EXD2: variants seen among roughly 807,000 people sequenced by gnomAD.
EXD2 encodes exonuclease 3'-5' domain-containing protein 2.
EXD2 carries 40 observed loss-of-function variants against 62.5 expected under a neutral mutation model. The ratio of observed to expected loss-of-function variants is 0.64; its 90% CI spans 0.50 to 0.83. EXD2 has a LOEUF of 0.83. Among genes scored for constraint, EXD2 ranks in the 40% least tolerant of loss-of-function variants. The pLI is 0.00. For missense variants in EXD2, 671 were observed against 761.8 expected (o/e 0.88, Z 1.40); for synonymous variants, 239 against 291.9 (o/e 0.82, Z 1.85).
chr14:69,219,780 A>T (rs1459044459), intron 3 of EXD2, among the ~76,000 whole-genome samples: 1 of 152,152 alleles, frequency 6.6e-6, no homozygotes, highest in African/African-American at 2.4e-5. Context: ...ATCTTTGAAA[A>T]TGACCATTTT....
chr14:69,235,564 T>C (rs2043752336), intron 6 of EXD2: 1 of 228,776 alleles, frequency 4.4e-6, no homozygotes, highest in Non-Finnish European at 8.6e-6. Flanking sequence ...ATAAGTACTT[T>C]GGAGCATAAA....
In EXD2 at chr14:69,209,389, T is replaced by G. The variant is rs2140234733; in HGVS notation, c.-47-35T>G. On this transcript the variant is annotated intron_variant, in intron 2 of 9. Transcript: ENST00000685843. ...CTTGTTTATGTAAAGGTTTATATTCTGTATATAAATATATTTTTGCCATTT... is the reference window on the plus strand; with the variant it reads ...CTTGTTTATGTAAAGGTTTATATTCGGTATATAAATATATTTTTGCCATTT... The G allele has an allele frequency of 4.3e-6, 5 of 1,165,526 alleles. No individual in the cohort carries two copies. In the South Asian group the frequency reaches 9.0e-5, roughly 21 times the overall value. 72.2% of individuals were successfully genotyped at this position (1,165,526 alleles called of 1,614,324 possible).
At chr14:69,219,465 C>G (rs956527571) in intron 3 of EXD2, among the ~76,000 whole-genome samples, 1 of 152,176 alleles carries the variant, frequency 6.6e-6, no homozygotes, top group Non-Finnish European at 1.5e-5. Context: ...GGGTGTGCAG[C>G]TATCTCTTTG....
chr14:69,212,767 G>A (rs970026557), intron 3 of EXD2, among the ~76,000 whole-genome samples: 4 of 147,540 alleles, frequency 2.7e-5, no homozygotes, highest in African/African-American at 1.0e-4. Context: ...GAGTGCAGTG[G>A]TGGGATTTTG....
intron 3 of EXD2, among the ~76,000 whole-genome samples, chr14:69,212,920 G>A (rs116716563): frequency 0.013 from 2,013 of 150,934 alleles, 42 homozygotes; most frequent in African/African-American, 0.047. Flanking sequence ...GGTGTGGTCC[G>A]GGCTGGTTTC....
At chr14:69,225,112 T>C (rs562003036) in intron 3 of EXD2, among the ~76,000 whole-genome samples, 2 of 152,246 alleles carry the variant, frequency 1.3e-5, no homozygotes, top group Non-Finnish European at 2.9e-5. Flanking sequence ...TCTAGCCACA[T>C]TGGGCCTTAG....
chr14:69,211,725 T>A (rs2042810468), intron 3 of EXD2, among the ~76,000 whole-genome samples: 1 of 151,890 alleles, frequency 6.6e-6, no homozygotes, highest in African/African-American at 2.4e-5. Flanking sequence ...GAAAATAGGG[T>A]TTAAGTGGTA....
At chr14:69,203,608 G>A (rs2042484158) in intron 1 of EXD2, among the ~76,000 whole-genome samples, 1 of 152,160 alleles carries the variant, frequency 6.6e-6, no homozygotes, top group South Asian at 2.1e-4. Context: ...TTTATAGAAC[G>A]CAAGGACTTT....
Position 69,242,882 on chromosome 14 carries a change from G to GTTTCAA in EXD2, c.*1782_*1783insTTTCAA. ...CTTATGTTTCAAATTTTGCATAGCT[G>GTTTCAA]ATTTTAAGTCATTTTGATAGCTTTG... On this transcript the variant is annotated 3_prime_UTR_variant, in exon 10 of 10. Coordinates refer to ENST00000685843, the MANE Select transcript of EXD2 (RefSeq NM_001193360.2). The GTTTCAA allele has an allele frequency of 6.6e-6, 1 of 152,334 alleles. No homozygotes were observed. Among genetic ancestry groups the GTTTCAA allele is most frequent in the East Asian group, 1.9e-4 (1 of 5,188 alleles). The allele number at this position is 152,334 out of a possible 1,614,324, so 9.4% of individuals were successfully genotyped here. A position where few individuals can be genotyped will look rare whatever the true frequency, so the allele number is the denominator to read the frequency against.
intron 1 of EXD2, among the ~76,000 whole-genome samples, chr14:69,201,959 G>A (rs1594728092): frequency 6.6e-6 from 1 of 152,020 alleles, no homozygotes; most frequent in Non-Finnish European, 1.5e-5. Context: ...TGGGATTACA[G>A]GTGTGAGCCA....
chr14:69,232,182 T>C (rs2043608048), intron 5 of EXD2, among the ~76,000 whole-genome samples: 1 of 152,196 alleles, frequency 6.6e-6, no homozygotes, highest in Admixed American at 6.5e-5. Context: ...TTAACCATTA[T>C]ATGATTTAAA....
In EXD2 at chr14:69,234,741, C is replaced by G. The variant is rs2140030114; in HGVS notation, c.759C>G (p.Leu253=). ...GGGATGCCCAGATTTCAGTGGCTCTCTTTCTTCATCTTCTTGGATACCCTT... is the reference window on the plus strand; with the variant it reads ...GGGATGCCCAGATTTCAGTGGCTCTGTTTCTTCATCTTCTTGGATACCCTT... ...AARDAQISVA[L]FLHLLGYPFS... The change falls in exon 6 of 10, where the codon CTC becomes CTG. Residue 253 remains leucine (L), a synonymous_variant. Coordinates refer to ENST00000685843, the MANE Select transcript of EXD2 (RefSeq NM_001193360.2). The G allele has an allele frequency of 6.2e-7, 1 of 1,613,884 alleles. No individual in the cohort carries two copies. The highest frequency in any genetic ancestry group is 1.6e-4 in the Middle Eastern group (1 of 6,062).
rs1566840440 is a variant in EXD2, at chr14:69,234,982, G to GA, written c.1001dup (p.Asp334GlufsTer6). On this transcript the variant is annotated frameshift_variant, in exon 6 of 10. Transcript: ENST00000685843. LOFTEE classifies it high-confidence loss of function. The stretch of plus-strand genomic sequence containing the variant: ...GGTGCCAGGCAACCACCAAGGGAGA[G>GA]ACCCCAGAAAACATAAAAGAAAGCC... The GA allele has an allele frequency of 6.2e-7, 1 of 1,611,094 alleles. No homozygotes were observed. The highest frequency in any genetic ancestry group is 8.5e-7 in the Non-Finnish European group (1 of 1,178,902).
chr14:69,206,740 C>T (rs548689831), intron 2 of EXD2, among the ~76,000 whole-genome samples: 1 of 152,272 alleles, frequency 6.6e-6, no homozygotes, highest in South Asian at 2.1e-4. Context: ...CCTCGGCCTC[C>T]CAAAGTGCTG....
rs868059717 is a variant in EXD2 at position 69,230,587 on chromosome 14, A to G, written c.706A>G (p.Thr236Ala). ...CAGCAACTGGGATGCTGAGACTCTC[A>G]CAGAGGACCAGGTACTTCTTATCAG... ...RCSNWDAETL[T>A]EDQVIYAARD... The change falls in exon 5 of 10, where the codon ACA (threonine) becomes GCA (alanine). Residue 236 changes from threonine to alanine, a missense_variant. By Grantham distance (58) the Thr-to-Ala change is moderately conservative. Transcript: ENST00000685843. The G allele has an allele frequency of 6.2e-7, 1 of 1,612,680 alleles. No homozygotes were observed. Among genetic ancestry groups the G allele is most frequent in the Non-Finnish European group, 8.5e-7 (1 of 1,179,512 alleles).
Position 69,243,208 on chromosome 14 carries a change from TCG to T in EXD2, c.*2109_*2110del, listed in dbSNP as rs2044024360. The T allele has an allele frequency of 1.3e-5, 2 of 152,208 alleles. No homozygotes were observed. Among genetic ancestry groups the T allele is most frequent in the South Asian group, 4.1e-4 (2 of 4,826 alleles). The allele number at this position is 152,208 out of a possible 1,614,324, so 9.4% of individuals were successfully genotyped here. ...AGGCTTTTCCTAAGACTGACAATTGTCGTCTTAAATCAGAGATTTGAGGGTAG... is the reference window on the plus strand; with the variant it reads ...AGGCTTTTCCTAAGACTGACAATTGTTCTTAAATCAGAGATTTGAGGGTAG... On this transcript the variant is annotated 3_prime_UTR_variant, in exon 10 of 10. Coordinates refer to ENST00000685843, the MANE Select transcript of EXD2 (RefSeq NM_001193360.2).
At position 69,209,715 on chromosome 14, in the gene EXD2, T is replaced by G. The variant is rs895674480; in HGVS notation, c.245T>G (p.Val82Gly). 9.0e-6 allele frequency: 14 copies of G among 1,550,184 alleles called. No homozygotes were observed. Among genetic ancestry groups the G allele is most frequent in the Non-Finnish European group, 1.2e-5 (14 of 1,146,900 alleles). The change falls in exon 3 of 10, where the codon GTG becomes GGG. Residue 82 changes from valine to glycine, a missense_variant. Coordinates refer to ENST00000685843, the MANE Select transcript of EXD2 (RefSeq NM_001193360.2). ...ERILKAKVVT[V>G]SQEAEWDQIE... ...ATCCTTAAAGCAAAGGTGGTGACGG[T>G]GTCTCAGGAGGCAGAGTGGGATCAA...
intron 3 of EXD2, chr14:69,210,241 A>G (rs1183684773): frequency 6.4e-6 from 1 of 155,660 alleles, no homozygotes; most frequent in Non-Finnish European, 1.5e-5. Context: ...TAATATTTGT[A>G]GTAGCATTTT....
chr14:69,209,943 T>C, intron 3 of EXD2, 140 bp downstream of exon 3: 1 of 669,406 alleles, frequency 1.5e-6, no homozygotes, highest in Non-Finnish European at 2.3e-6. Flanking sequence ...AAGCAGATTT[T>C]AGCAGAAGAA....
Sources: gnomAD v4.1 joint callset for allele counts (sites outside exome capture counted in the v4.1 genomes callset) on GRCh38, gnomAD v4.1.1 for gene constraint, MANE v1.5 for transcripts, NCBI Gene and HGNC (gene_info 2026-07-23, HGNC 2026-07-21) for gene names.